Variants in BACH2 observed in about 807,000 individuals in gnomAD.
BACH2 encodes the protein BACH transcriptional regulator 2.
A neutral mutation model predicts 61.8 loss-of-function variants in BACH2; 5 were observed. The ratio of observed to expected loss-of-function variants is 0.08; its 90% CI spans 0.04 to 0.17. BACH2 has a LOEUF of 0.17. Among genes scored for constraint, BACH2 ranks in the 10% least tolerant of loss-of-function variants. BACH2 has a pLI of 1.00. For missense variants in BACH2, 824 were observed against 1,091.1 expected, an observed-to-expected ratio of 0.76 and a Z score of 3.45; for synonymous variants, 446 against 440.1, an observed-to-expected ratio of 1.01 and a Z score of -0.17.
rs540179180 is a variant in BACH2 at position 89,926,976 on chromosome 6, C to T, written c.*5432G>A. ...CAGGTAGATATGTGTGAAAACTGTC[C>T]GTATTGTTCAACCTGGGGAGGAAGA... On this transcript the variant is annotated 3_prime_UTR_variant, in exon 9 of 9. Coordinates refer to ENST00000257749, the MANE Select transcript of BACH2 (RefSeq NM_021813.4). The T allele has an allele frequency of 1.3e-5, 2 of 152,802 alleles. No homozygotes were observed. The highest frequency in any genetic ancestry group is 2.1e-4 in the South Asian group (1 of 4,820). 9.5% of individuals were successfully genotyped at this position (152,802 alleles called of 1,614,324 possible). A position where few individuals can be genotyped will look rare whatever the true frequency, so the allele number is the denominator to read the frequency against.
intron 1 of BACH2, among the ~76,000 whole-genome samples, chr6:90,277,684 CAG>C (rs1771738190): frequency 1.3e-5 from 2 of 152,148 alleles, no homozygotes; most frequent in African/African-American, 4.8e-5. Context: ...TCTTAAGAAA[CAG>C]ACTTACAGGA....
chr6:90,212,805 G>A lies in BACH2; in HGVS notation c.-274-6124C>T, dbSNP rs982512069. 3.9e-5 allele frequency among the ~76,000 whole-genome samples: 6 copies of A among 152,250 alleles called. No homozygotes were observed. In the East Asian group the frequency reaches 7.7e-4, roughly 20 times the overall value. ...GAGAGACACATTGTTGGTAACACAC[G>A]CACACAAATAGTCTGAGAGCCAGAT... On this transcript the variant is annotated intron_variant, in intron 3 of 8. Transcript: ENST00000257749.
intron 4 of BACH2, among the ~76,000 whole-genome samples, chr6:90,108,814 C>T (rs1783037989): frequency 1.3e-5 from 2 of 152,204 alleles, no homozygotes; most frequent in Admixed American, 1.3e-4. Context: ...TAGCTATTCC[C>T]CAGTTAACCT....
chr6:90,028,376 C>G (rs1260976837), intron 5 of BACH2, among the ~76,000 whole-genome samples: 1 of 152,232 alleles, frequency 6.6e-6, no homozygotes, highest in Non-Finnish European at 1.5e-5. Flanking sequence ...AGATTCCATT[C>G]CTTCAGATTT....
In BACH2 at chr6:90,177,571, C is replaced by A. The variant is rs115171715; in HGVS notation, c.-162+28998G>T. Among the ~76,000 whole-genome samples the A allele has an allele frequency of 6.9e-3, 1,049 of 152,254 alleles. 10 individuals carry two copies. Among genetic ancestry groups the A allele is most frequent in the Middle Eastern group, 0.02 (6 of 294 alleles). On this transcript the variant is annotated intron_variant, in intron 4 of 8. Transcript: ENST00000257749. ...TCTGACACCATTGCCTACGTTAGCTCCTTGGGCCTCTGGTGAAACGTAATG... is the reference window on the plus strand; with the variant it reads ...TCTGACACCATTGCCTACGTTAGCTACTTGGGCCTCTGGTGAAACGTAATG...
chr6:89,950,100 G>A lies in BACH2; in HGVS notation c.1836+170C>T, dbSNP rs1773985172. ...CTTTTCTAGGACAGAAGTGGTTAAT[G>A]TGGAATCACCTTCAGCATCCTGCCT... On this transcript the variant is annotated intron_variant, in intron 7 of 8. Coordinates refer to ENST00000257749, the MANE Select transcript of BACH2 (RefSeq NM_021813.4). This position sits in a 1 kb window ranked among gnomAD's most constrained non-coding sequence, Gnocchi z 5.3. 12 of 758,336 alleles carry A rather than the reference G, an allele frequency of 1.6e-5. No individual in the cohort carries two copies. In the South Asian group the frequency reaches 2.0e-4, roughly 12 times the overall value. 47.0% of individuals were successfully genotyped at this position (758,336 alleles called of 1,614,324 possible).
chr6:90,083,186 CAG>C (rs1318232362), intron 5 of BACH2, among the ~76,000 whole-genome samples: 1 of 152,164 alleles, frequency 6.6e-6, no homozygotes, highest in Non-Finnish European at 1.5e-5. Flanking sequence ...TCACTAGTGA[CAG>C]GTGCATCCAA....
chr6:90,263,145 C>G (rs1267782731), intron 2 of BACH2, among the ~76,000 whole-genome samples: 5 of 152,156 alleles, frequency 3.3e-5, no homozygotes, highest in Non-Finnish European at 5.9e-5. Context: ...TGTGATGCAT[C>G]TCACCCCTGA....
At chr6:90,215,493 T>G (rs2127853517) in intron 3 of BACH2, among the ~76,000 whole-genome samples, 1 of 152,202 alleles carries the variant, frequency 6.6e-6, no homozygotes, top group East Asian at 1.9e-4. Flanking sequence ...TGTCCTGCTT[T>G]AAAGCTCGTA....
intron 5 of BACH2, among the ~76,000 whole-genome samples, chr6:90,045,953 C>G (rs1199264234): frequency 1.3e-5 from 2 of 152,118 alleles, no homozygotes; most frequent in African/African-American, 4.8e-5. Context: ...CTTCTCTCCC[C>G]TAAAAACCAT....
chr6:90,155,770 T>G (rs1784975756), intron 4 of BACH2, among the ~76,000 whole-genome samples: 2 of 152,184 alleles, frequency 1.3e-5, no homozygotes, highest in Non-Finnish European at 1.5e-5. Flanking sequence ...TATTGCTTAT[T>G]TTCTGTTTTC....
chr6:90,195,193 C>G (rs191377057), intron 4 of BACH2, among the ~76,000 whole-genome samples: 2 of 152,110 alleles, frequency 1.3e-5, no homozygotes. Flanking sequence ...TCACCTCCCC[C>G]CTCCCCCATC....
At chr6:90,017,382 G>A (rs1778125230) in intron 5 of BACH2, among the ~76,000 whole-genome samples, 2 of 152,022 alleles carry the variant, frequency 1.3e-5, no homozygotes, top group African/African-American at 4.8e-5. Context: ...ACCATACCCA[G>A]CTAATTTTTT....
chr6:90,109,290 G>A (rs1009710485), intron 4 of BACH2, among the ~76,000 whole-genome samples: 27 of 152,006 alleles, frequency 1.8e-4, no homozygotes, highest in African/African-American at 5.8e-4. Context: ...TGACTCAGTC[G>A]TCAACTTCCT....
chr6:89,956,625 CAG>C (rs1213522797), intron 6 of BACH2, among the ~76,000 whole-genome samples: 11 of 152,054 alleles, frequency 7.2e-5, no homozygotes, highest in South Asian at 6.2e-4. Flanking sequence ...TTGGGGAGCT[CAG>C]TGTTTTGGGG....
intron 4 of BACH2, among the ~76,000 whole-genome samples, chr6:90,160,663 G>A (rs1169434716): frequency 6.6e-6 from 1 of 152,156 alleles, no homozygotes; most frequent in Non-Finnish European, 1.5e-5. Flanking sequence ...TTTCTGTAAA[G>A]CATTCCAAAA....
At chr6:90,257,282 T>C (rs1771009694) in intron 2 of BACH2, among the ~76,000 whole-genome samples, 1 of 152,228 alleles carries the variant, frequency 6.6e-6, no homozygotes, top group African/African-American at 2.4e-5. Flanking sequence ...GTTCTGTTTT[T>C]AATTTCTTTA....
At chr6:90,263,306 T>C (rs1771223540) in intron 2 of BACH2, among the ~76,000 whole-genome samples, 1 of 150,288 alleles carries the variant, frequency 6.7e-6, no homozygotes, top group South Asian at 2.1e-4. Context: ...CTTGACATGA[T>C]GATGCCTGAT....
At chr6:90,291,188 G>A (rs1012386406) in intron 1 of BACH2, among the ~76,000 whole-genome samples, 2 of 152,194 alleles carry the variant, frequency 1.3e-5, no homozygotes, top group Non-Finnish European at 2.9e-5. Flanking sequence ...AGTCACTGGG[G>A]AAGACTGAGA....
Sources: allele counts gnomAD v4.1 joint callset (sites outside exome capture counted in the v4.1 genomes callset), GRCh38; gene constraint gnomAD v4.1.1; non-coding constraint Gnocchi (gnomAD v3.1); transcripts MANE v1.5; gene names NCBI Gene and HGNC (gene_info 2026-07-23, HGNC 2026-07-21).